RHOBTB1: variants seen among roughly 807,000 people sequenced by gnomAD.
RHOBTB1 encodes the protein rho-related BTB domain-containing protein 1.
Under a neutral mutation model 71.6 loss-of-function variants are expected in RHOBTB1, and 40 were observed. That is an observed-to-expected ratio of 0.56 (90% CI 0.43 to 0.73). The LOEUF is 0.73. Ranked by LOEUF, RHOBTB1 falls within the 30% of genes least tolerant of loss-of-function variation. The pLI is 0.00. For missense variants in RHOBTB1, 797 were observed against 894.0 expected, an observed-to-expected ratio of 0.89 and a Z score of 1.38; for synonymous variants, 319 against 334.9, an observed-to-expected ratio of 0.95 and a Z score of 0.52.
chr10:60,918,219 T>C (rs2083370727), intron 2 of RHOBTB1, among the ~76,000 whole-genome samples: 1 of 152,214 alleles, frequency 6.6e-6, no homozygotes, highest in South Asian at 2.1e-4. Context: ...CCTAATTTAA[T>C]GGTGACTCTC....
chr10:60,927,442 C>T (rs991123193), intron 2 of RHOBTB1, among the ~76,000 whole-genome samples: 9 of 152,142 alleles, frequency 5.9e-5, no homozygotes. Context: ...CTGGAGGCAT[C>T]ACATTATCTG....
At chr10:60,961,807 TTTTG>T (rs2085787731) in intron 2 of RHOBTB1, among the ~76,000 whole-genome samples, 1 of 114,630 alleles carries the variant, frequency 8.7e-6, no homozygotes, top group African/African-American at 4.3e-5. Context: ...TATAACCTTT[TTTTG>T]TTTTTTTTTT....
At chr10:60,912,897 C>T (rs561788699) in intron 2 of RHOBTB1, 2 of 152,222 alleles carry the variant, frequency 1.3e-5, no homozygotes, top group Non-Finnish European at 2.9e-5. Context: ...AGATGCTACA[C>T]TTGATCTTAG....
At chr10:60,952,728 A>G (rs1308003629) in intron 2 of RHOBTB1, among the ~76,000 whole-genome samples, 1 of 152,330 alleles carries the variant, frequency 6.6e-6, no homozygotes, top group East Asian at 1.9e-4. Flanking sequence ...GCTACAGCTC[A>G]TCTTAAATTC....
In RHOBTB1 at chr10:60,935,599, T is replaced by A. The variant is rs535840320; in HGVS notation, c.-11+6205A>T. Among the ~76,000 whole-genome samples, 161 of 152,268 alleles carry A rather than the reference T, an allele frequency of 1.1e-3. 1 individual carries two copies. Among genetic ancestry groups the A allele is most frequent in the Non-Finnish European group, 1.5e-3 (101 of 68,016 alleles). On this transcript the variant is annotated intron_variant, in intron 2 of 10. Transcript: ENST00000337910. The stretch of plus-strand genomic sequence containing the variant: ...GGGAATCACTACACCAGATGATCTA[T>A]ATGATCTGTGCAGAAGCCAGCCCCT...
intron 2 of RHOBTB1, among the ~76,000 whole-genome samples, chr10:60,922,179 T>A (rs538889795): frequency 7.2e-5 from 11 of 152,250 alleles, no homozygotes; most frequent in Middle Eastern, 3.4e-3. Flanking sequence ...TTTTGGTGAG[T>A]CACTACTTCG....
At position 60,871,582 on chromosome 10, in the gene RHOBTB1, T is replaced by G; in HGVS notation, c.1991A>C (p.Gln664Pro). 3 of 1,614,190 alleles carry G rather than the reference T, an allele frequency of 1.9e-6. No individual in the cohort carries two copies. Among genetic ancestry groups the G allele is most frequent in the Non-Finnish European group, 2.5e-6 (3 of 1,180,004 alleles). Residue 664 changes from glutamine to proline, a missense_variant, in exon 11 of 11, where the codon CAG becomes CCG. By Grantham distance (76) the Gln-to-Pro change is moderately conservative (BLOSUM62 -1). This residue lies in a region of RHOBTB1 where 658 missense variants were observed against 681.5 expected (regional missense o/e 0.97). Transcript: ENST00000337910. ...VWYLKEEDHY[Q>P]RVKREREKED... The stretch of plus-strand genomic sequence containing the variant: ...CTTCTCTCGTTCCCTTTTCACACGC[T>G]GGTAGTGATCTTCTTCCTTCAGGTA...
rs776674265 is a variant in RHOBTB1 at position 60,910,913 on chromosome 10, G to A, written c.270C>T (p.His90=). ...TGCCATATGCAAAGCGTCTGTCTTT[G>A]TGATGATCACCAAAAGTATCCCAAA... ...LRLWDTFGDH[H]KDRRFAYGRS... The change falls in exon 4 of 11, where the codon CAC becomes CAT. Residue 90 remains histidine (H), a synonymous_variant. Transcript: ENST00000337910. 2 of 1,613,944 alleles carry A rather than the reference G, an allele frequency of 1.2e-6. No individual in the cohort carries two copies. Among genetic ancestry groups the A allele is most frequent in the Non-Finnish European group, 1.7e-6 (2 of 1,179,896 alleles).
chr10:60,949,932 T>A (rs2085356657), intron 2 of RHOBTB1, among the ~76,000 whole-genome samples: 1 of 152,220 alleles, frequency 6.6e-6, no homozygotes, highest in Non-Finnish European at 1.5e-5. Flanking sequence ...TATAGCATGT[T>A]ACATTATTTG....
intron 1 of RHOBTB1, among the ~76,000 whole-genome samples, chr10:60,992,232 C>T (rs1565209698): frequency 6.6e-6 from 1 of 152,142 alleles, no homozygotes; most frequent in African/African-American, 2.4e-5. Context: ...CTCATTCACG[C>T]TTAGTAGTGG....
intron 2 of RHOBTB1, among the ~76,000 whole-genome samples, chr10:60,928,720 G>A (rs1565013645): frequency 6.6e-6 from 1 of 151,900 alleles, no homozygotes; most frequent in Non-Finnish European, 1.5e-5. Flanking sequence ...TAGCACAATG[G>A]GGCAACTATA....
downstream of RHOBTB1, among the ~76,000 whole-genome samples, chr10:60,868,297 A>G (rs1321875605): frequency 6.6e-6 from 1 of 151,884 alleles, no homozygotes; most frequent in Admixed American, 6.6e-5. Context: ...CTCTCTATCT[A>G]TCTATCATCT....
At chr10:60,944,805 GCTC>G (rs2085147745), upstream of RHOBTB1, among the ~76,000 whole-genome samples, 1 of 152,196 alleles carries the variant, frequency 6.6e-6, no homozygotes, top group African/African-American at 2.4e-5. Context: ...GTGCTGGCTG[GCTC>G]CTCCACTCTG....
At chr10:60,871,893 G>T in intron 10 of RHOBTB1, 1 of 601,712 alleles carries the variant, frequency 1.7e-6, no homozygotes, top group East Asian at 2.8e-5. Context: ...GTCTAAGCCT[G>T]CTCCTAAGCT....
chr10:60,930,500 C>A (rs1185259239), intron 2 of RHOBTB1, among the ~76,000 whole-genome samples: 1 of 152,102 alleles, frequency 6.6e-6, no homozygotes, highest in Non-Finnish European at 1.5e-5. Flanking sequence ...GAAATACATT[C>A]GACTGAAACA....
chr10:60,927,073 A>G (rs2083928238), intron 2 of RHOBTB1, among the ~76,000 whole-genome samples: 1 of 152,256 alleles, frequency 6.6e-6, no homozygotes, highest in South Asian at 2.1e-4. Flanking sequence ...CTATATGCCA[A>G]CAATGAACAA....
chr10:60,963,613 T>C (rs376349255), intron 2 of RHOBTB1, among the ~76,000 whole-genome samples: 1 of 152,270 alleles, frequency 6.6e-6, no homozygotes, highest in East Asian at 1.9e-4. Context: ...GGTCATGTGT[T>C]CCATTGGAAC....
chr10:60,878,542 C>T (rs2081158314), intron 7 of RHOBTB1, among the ~76,000 whole-genome samples: 2 of 152,224 alleles, frequency 1.3e-5, no homozygotes, highest in South Asian at 4.1e-4. Context: ...GAAATTCTGT[C>T]AGTATATGCA....
At chr10:60,897,613 C>T (rs2082220369) in intron 4 of RHOBTB1, among the ~76,000 whole-genome samples, 1 of 152,168 alleles carries the variant, frequency 6.6e-6, no homozygotes, top group Non-Finnish European at 1.5e-5. Flanking sequence ...AGTGGGACAG[C>T]CAAATGCCCT....
Sources: gnomAD v4.1 joint callset for allele counts (sites outside exome capture counted in the v4.1 genomes callset) on GRCh38, gnomAD v4.1.1 for gene constraint, gnomAD v4.1.1 regional missense constraint, MANE v1.5 for transcripts, NCBI Gene and HGNC (gene_info 2026-07-23, HGNC 2026-07-21) for gene names.